The following TMEM35A variants were observed in gnomAD, a reference collection of about 807,000 sequenced individuals.
The protein encoded by TMEM35A is nicotinic acetylcholine receptor chaperone.
For missense variants in TMEM35A, 83 were observed against 132.7 expected, an observed-to-expected ratio of 0.63 and a Z score of 1.84; for synonymous variants, 50 against 54.7, an observed-to-expected ratio of 0.91 and a Z score of 0.38.
intron 1 of TMEM35A, among the ~76,000 whole-genome samples, chrX:101,079,701 G>A (rs1168318046): frequency 1.8e-5 from 2 of 111,630 alleles, no homozygotes; most frequent in African/African-American, 6.5e-5. Flanking sequence ...CCAAATAAAG[G>A]TCACTAAGCT....
chrX:101,080,784 A>G (rs749052797), intron 1 of TMEM35A, among the ~76,000 whole-genome samples: 1 of 110,854 alleles, frequency 9.0e-6, no homozygotes, highest in African/African-American at 3.3e-5. Flanking sequence ...GTGTGTGTGC[A>G]TCATAGGTAT....
Position 101,095,089 on chromosome X carries a change from C to A in TMEM35A, c.*133C>A. 1.3e-6 allele frequency: 1 copy of A among 757,498 alleles called. No homozygotes were observed. The highest frequency in any genetic ancestry group is 1.8e-6 in the Non-Finnish European group (1 of 543,651). 62.4% of individuals were successfully genotyped at this position (757,498 alleles called of 1,213,427 possible). ...AAATGTAATCTGCAAGTTAATGACC[C>A]TATTGGCTTGTGTACATCTATATGC... On this transcript the variant is annotated 3_prime_UTR_variant, in exon 2 of 2. Transcript: ENST00000372930.
intron 1 of TMEM35A, 59 bp from the exon 2 acceptor site, chrX:101,094,514 C>T: frequency 6.3e-6 from 7 of 1,116,161 alleles, no homozygotes; most frequent in Non-Finnish European, 8.4e-6. Context: ...GTGTTTTCTT[C>T]ATTCTAATGT....
At chrX:101,082,969 A>C (rs934824103) in intron 1 of TMEM35A, among the ~76,000 whole-genome samples, 1 of 111,624 alleles carries the variant, frequency 9.0e-6, no homozygotes, top group African/African-American at 3.3e-5. Context: ...TAGAAGAACA[A>C]GATGCTATTT....
intron 1 of TMEM35A, chrX:101,094,341 C>T: frequency 3.7e-6 from 1 of 272,756 alleles, no homozygotes; most frequent in Non-Finnish European, 6.4e-6. Context: ...TCTCCAATTC[C>T]CGGCCTCAGG....
intron 1 of TMEM35A, among the ~76,000 whole-genome samples, chrX:101,079,715 G>T (rs868242375): frequency 9.0e-6 from 1 of 111,682 alleles, no homozygotes; most frequent in Middle Eastern, 4.6e-3. Flanking sequence ...CTAAGCTCTT[G>T]TTTCTTCCCC....
At chrX:101,088,953 T>G (rs147886152) in intron 1 of TMEM35A, among the ~76,000 whole-genome samples, 3,641 of 109,243 alleles carry the variant, frequency 0.033, 159 homozygotes, top group African/African-American at 0.12. Context: ...CCCCGTAATG[T>G]CCCCCTGCTA....
intron 1 of TMEM35A, among the ~76,000 whole-genome samples, chrX:101,086,386 G>C (rs1328166831): frequency 8.9e-6 from 1 of 112,316 alleles, no homozygotes; most frequent in African/African-American, 3.2e-5. Context: ...CTCCCACAGT[G>C]CTGGGGTTAT....
intron 1 of TMEM35A, among the ~76,000 whole-genome samples, chrX:101,089,461 T>C (rs943546062): frequency 9.1e-6 from 1 of 110,132 alleles, no homozygotes; most frequent in Non-Finnish European, 1.9e-5. Context: ...TTGCTGACTT[T>C]ACCTTACTCC....
In TMEM35A at chrX:101,095,936, T is replaced by C. The variant is rs931555594; in HGVS notation, c.*980T>C. On this transcript the variant is annotated 3_prime_UTR_variant, in exon 2 of 2. Transcript: ENST00000372930. ...TGAGCCTCAAACTCTACCTGTTCTC[T>C]GCAATCATCCAAAATTTGAAAAAGA... is the stretch of plus-strand genomic sequence containing the variant. The C allele has an allele frequency of 1.8e-5, 2 of 112,134 alleles. No individual in the cohort carries two copies. Among genetic ancestry groups the C allele is most frequent in the Non-Finnish European group, 3.8e-5 (2 of 53,289 alleles). The allele number at this position is 112,134 out of a possible 1,213,427, so 9.2% of individuals were successfully genotyped here.
chrX:101,088,916 T>C (rs1602744354), intron 1 of TMEM35A, among the ~76,000 whole-genome samples: 2 of 109,896 alleles, frequency 1.8e-5, no homozygotes, highest in East Asian at 5.7e-4. Context: ...AAAAGTGTTA[T>C]GGAAGCCTCT....
At chrX:101,084,827 T>C (rs1000155550) in intron 1 of TMEM35A, among the ~76,000 whole-genome samples, 1 of 111,105 alleles carries the variant, frequency 9.0e-6, no homozygotes, top group African/African-American at 3.3e-5. Flanking sequence ...ATTGCACTAC[T>C]GCACTACAGC....
chrX:101,096,157 C>CTTTT lies in TMEM35A; in HGVS notation c.*1204_*1207dup, dbSNP rs2089339716. On this transcript the variant is annotated 3_prime_UTR_variant, in exon 2 of 2. Transcript: ENST00000372930. ...TTGGACTGAGCAGTATGGACATTTG[C>CTTTT]TTTTTTCATTACGTACTGTTGTTTT... is the stretch of plus-strand genomic sequence containing the variant. 1 of 111,008 alleles carries CTTTT rather than the reference C, an allele frequency of 9.0e-6. No individual in the cohort carries two copies. Among genetic ancestry groups the CTTTT allele is most frequent in the Admixed American group, 9.7e-5 (1 of 10,281 alleles). The allele number at this position is 111,008 out of a possible 1,213,427, so 9.1% of individuals were successfully genotyped here.
chrX:101,078,992 T>C lies in TMEM35A; in HGVS notation c.-11T>C. ...TCAGAAGGATTAGTTGGGACCTGCC[T>C]TGGCGACCCCATGGCATCCCCCAGA... On this transcript the variant is annotated 5_prime_UTR_variant, in exon 1 of 2. Coordinates refer to ENST00000372930, the MANE Select transcript of TMEM35A (RefSeq NM_021637.3). The C allele has an allele frequency of 5.0e-6, 6 of 1,211,488 alleles. No individual in the cohort carries two copies. Among genetic ancestry groups the C allele is most frequent in the Non-Finnish European group, 6.7e-6 (6 of 895,341 alleles).
Position 101,089,397 on chromosome X carries a change from A to C in TMEM35A, c.121-5176A>C, listed in dbSNP as rs953363123. ...TGTTCATCATGGATATTATTTACCT[A>C]ATCAGTGAGTGTTTTTGGTGCCCTC... is the stretch of plus-strand genomic sequence containing the variant. On this transcript the variant is annotated intron_variant, in intron 1 of 1. Coordinates refer to ENST00000372930, the MANE Select transcript of TMEM35A (RefSeq NM_021637.3). Among the ~76,000 whole-genome samples the C allele has an allele frequency of 1.0e-4, 11 of 109,881 alleles. No individual in the cohort carries two copies. In the Admixed American group the frequency reaches 1.1e-3, roughly 11 times the overall value.
intron 1 of TMEM35A, among the ~76,000 whole-genome samples, chrX:101,084,843 C>T (rs753738499): frequency 1.4e-4 from 15 of 110,481 alleles, no homozygotes; most frequent in South Asian, 1.1e-3. Context: ...ACAGCCTGGA[C>T]GACAGAGTTA....
At chrX:101,091,427 C>G (rs1254238121) in intron 1 of TMEM35A, among the ~76,000 whole-genome samples, 8 of 109,805 alleles carry the variant, frequency 7.3e-5, no homozygotes, top group African/African-American at 2.7e-4. Flanking sequence ...CTCAGCCTCC[C>G]AAATAGCTGG....
rs1045334801 is a variant in TMEM35A, at chrX:101,094,982, C to T, written c.*26C>T. On this transcript the variant is annotated 3_prime_UTR_variant, in exon 2 of 2. Coordinates refer to ENST00000372930, the MANE Select transcript of TMEM35A (RefSeq NM_021637.3). The stretch of plus-strand genomic sequence containing the variant: ...AAAAGTGGAAGTGCAAAGAGTGGAC[C>T]TTCCAGGCAGTTGCGTCCATGACAC... 8.7e-7 allele frequency: 1 copy of T among 1,143,586 alleles called. No individual in the cohort carries two copies. The allele number at this position is 1,143,586 out of a possible 1,213,427, so 94.2% of individuals were successfully genotyped here.
chrX:101,090,237 C>T (rs761205606), intron 1 of TMEM35A, among the ~76,000 whole-genome samples: 8 of 106,674 alleles, frequency 7.5e-5, no homozygotes, highest in Non-Finnish European at 1.3e-4. Context: ...ACTGAAACCT[C>T]TGCCTCCTGG....
Sources: allele counts gnomAD v4.1 joint callset (sites outside exome capture counted in the v4.1 genomes callset), GRCh38; gene constraint gnomAD v4.1.1; transcripts MANE v1.5; gene names NCBI Gene and HGNC (gene_info 2026-07-23, HGNC 2026-07-21).